The following AKAP9 variants were observed in gnomAD, a reference collection of about 807,000 sequenced individuals.
AKAP9 encodes the protein A-kinase anchoring protein 9, also known as A-kinase anchor protein 9.
A neutral mutation model predicts 488.5 loss-of-function variants in AKAP9; 311 were observed. That is an observed-to-expected ratio of 0.64 (90% CI 0.58 to 0.70). The LOEUF is 0.70. AKAP9 is among the 30% of genes least tolerant of loss of function. The probability of loss-of-function intolerance (pLI) is 0.00; values close to 1 mark genes in which losing one functional copy is unlikely to be tolerated. For missense variants in AKAP9, 4,215 were observed against 4,374.5 expected, an observed-to-expected ratio of 0.96 and a Z score of 1.03; for synonymous variants, 1,462 against 1,483.5, an observed-to-expected ratio of 0.99 and a Z score of 0.33.
chr7:91,984,608 T>C (rs1796835150), intron 3 of AKAP9, among the ~76,000 whole-genome samples: 2 of 152,312 alleles, frequency 1.3e-5, no homozygotes, highest in East Asian at 3.9e-4. Flanking sequence ...GTCTTGGCAA[T>C]GTGGGCTCTT....
At chr7:92,026,234 T>G (rs1023687871) in intron 14 of AKAP9, among the ~76,000 whole-genome samples, 2 of 152,154 alleles carry the variant, frequency 1.3e-5, no homozygotes, top group African/African-American at 4.8e-5. Flanking sequence ...TGAATTAAGT[T>G]TACGCCAGAC....
intron 30 of AKAP9, among the ~76,000 whole-genome samples, chr7:92,078,172 A>G (rs1812933468): frequency 6.6e-6 from 1 of 151,774 alleles, no homozygotes; most frequent in African/African-American, 2.4e-5. Context: ...AATTTTTTGT[A>G]TTTTTAATAG....
chr7:92,012,628 A>C lies in AKAP9; in HGVS notation c.3518A>C (p.Lys1173Thr). 2 of 1,608,934 alleles carry C rather than the reference A, an allele frequency of 1.2e-6. No homozygotes were observed. Among genetic ancestry groups the C allele is most frequent in the South Asian group, 2.2e-5 (2 of 90,740 alleles). ...CACCAGTTAGAACTACAGACTATGAAAACACAAGAAACAGGTAAAATGGTT... is the reference window on the plus strand; with the variant it reads ...CACCAGTTAGAACTACAGACTATGACAACACAAGAAACAGGTAAAATGGTT... ...KIHQLELQTMKTQETGDEGKP... is the reference protein window; with the variant it reads ...KIHQLELQTMTTQETGDEGKP... The change falls in exon 9 of 50, where the codon AAA becomes ACA. Residue 1173 changes from lysine (K) to threonine (T), a missense_variant. Lys to Thr is a moderately conservative substitution (Grantham distance 78). Transcript: ENST00000356239.
chr7:92,019,155 T>TC (rs1396739093), intron 12 of AKAP9, among the ~76,000 whole-genome samples: 1 of 151,960 alleles, frequency 6.6e-6, no homozygotes, highest in Non-Finnish European at 1.5e-5. Flanking sequence ...TTTTTTTTTT[T>TC]CTCCAAGACA....
rs1362351984 is a variant in AKAP9, at chr7:91,982,109, T to A, written c.351+1776T>A. Among the ~76,000 whole-genome samples, 4 of 152,160 alleles carry A rather than the reference T, an allele frequency of 2.6e-5. No homozygotes were observed. The East Asian group carries it at 5.8e-4, about 22-fold the overall frequency. ...AATTTGTATAGCTGTTTTCTCACAT[T>A]GAGATAATAGAGCAAATTTTAATTT... On this transcript the variant is annotated intron_variant, in intron 3 of 49. Coordinates refer to ENST00000356239, the MANE Select transcript of AKAP9 (RefSeq NM_005751.5).
At chr7:92,047,090 C>T (rs963364215) in intron 21 of AKAP9, among the ~76,000 whole-genome samples, 1 of 152,192 alleles carries the variant, frequency 6.6e-6, no homozygotes, top group African/African-American at 2.4e-5. Context: ...TATTTATGTT[C>T]ATTTTCCATG....
At position 92,109,122 on chromosome 7, in the gene AKAP9, C is replaced by T. The variant is rs550599940; in HGVS notation, c.11686+489C>T. 74 of 238,126 alleles carry T rather than the reference C, an allele frequency of 3.1e-4. 2 individuals are homozygous for T. The highest frequency in any genetic ancestry group is 1.6e-3 in the South Asian group (15 of 9,380). 14.8% of individuals were successfully genotyped at this position (238,126 alleles called of 1,614,324 possible). ...TTAAGGAGGAAGCACTTACTTTAAG[C>T]ACTTAATGTAACCATTATCCCTGCT... On this transcript the variant is annotated intron_variant, in intron 49 of 49. Coordinates refer to ENST00000356239, the MANE Select transcript of AKAP9 (RefSeq NM_005751.5).
Position 91,992,057 on chromosome 7 carries a change from G to C in AKAP9, c.352-101G>C, listed in dbSNP as rs1797823848. On this transcript the variant is annotated intron_variant, in intron 3 of 49. Coordinates refer to ENST00000356239, the MANE Select transcript of AKAP9 (RefSeq NM_005751.5). ...TTTCGCCAATGATGCATTTTCCCTA[G>C]GAATAAAAGACATACACGTGAATAC... 8.3e-6 allele frequency: 8 copies of C among 962,708 alleles called. No homozygotes were observed. The South Asian group carries it at 1.1e-4, about 13-fold the overall frequency. The allele number at this position is 962,708 out of a possible 1,614,324, so 59.6% of individuals were successfully genotyped here. A position where few individuals can be genotyped will look rare whatever the true frequency, so the allele number is the denominator to read the frequency against.
chr7:91,963,018 A>G (rs1793917388), intron 1 of AKAP9, among the ~76,000 whole-genome samples: 1 of 152,200 alleles, frequency 6.6e-6, no homozygotes, highest in African/African-American at 2.4e-5. Flanking sequence ...TGGAATTTTA[A>G]GTTTCTGAAA....
intron 41 of AKAP9, 85 bp downstream of exon 41, chr7:92,097,442 C>T: frequency 6.5e-7 from 1 of 1,536,392 alleles, no homozygotes; most frequent in African/African-American, 1.4e-5. Flanking sequence ...GATTAAATTA[C>T]TTAAATAGCT....
intron 1 of AKAP9, among the ~76,000 whole-genome samples, chr7:91,958,272 G>A (rs990014933): frequency 2.0e-5 from 3 of 152,190 alleles, no homozygotes; most frequent in African/African-American, 7.2e-5. Context: ...TTATAAATGA[G>A]TTAACCTCAG....
intron 25 of AKAP9, among the ~76,000 whole-genome samples, chr7:92,065,719 C>T (rs951392018): frequency 6.6e-6 from 1 of 151,990 alleles, no homozygotes; most frequent in African/African-American, 2.4e-5. Context: ...TATGAATAAG[C>T]CCCACTAGTT....
intron 8 of AKAP9, among the ~76,000 whole-genome samples, chr7:92,003,899 T>G (rs12540565): frequency 0.4 from 61,107 of 151,988 alleles, 12,611 homozygotes; most frequent in African/African-American, 0.47. Flanking sequence ...ATCTACAATG[T>G]AATGGTGCTA....
intron 29 of AKAP9, among the ~76,000 whole-genome samples, chr7:92,077,293 G>A (rs142504212): frequency 4.6e-5 from 7 of 151,520 alleles, no homozygotes; most frequent in South Asian, 2.1e-4. Flanking sequence ...GGGTTTCACC[G>A]TGTTAGCCAG....
At chr7:91,969,181 T>C (rs1794764735) in intron 1 of AKAP9, among the ~76,000 whole-genome samples, 1 of 152,166 alleles carries the variant, frequency 6.6e-6, no homozygotes, top group Non-Finnish European at 1.5e-5. Context: ...TGAGCCACCA[T>C]GCCCAGCAGG....
intron 21 of AKAP9, among the ~76,000 whole-genome samples, chr7:92,048,768 G>A (rs1255588582): frequency 6.6e-6 from 1 of 152,170 alleles, no homozygotes; most frequent in Non-Finnish European, 1.5e-5. Flanking sequence ...TTAGCCAGGT[G>A]TGGCGGCACA....
intron 29 of AKAP9, 41 bp from the exon 30 acceptor site, chr7:92,077,655 G>C (rs777570132): frequency 6.5e-7 from 1 of 1,534,988 alleles, no homozygotes; most frequent in South Asian, 1.1e-5. Flanking sequence ...AAAATGATAG[G>C]TAATGATATA....
intron 1 of AKAP9, among the ~76,000 whole-genome samples, chr7:91,971,191 C>G (rs1278760627): frequency 6.6e-6 from 1 of 152,008 alleles, no homozygotes; most frequent in Non-Finnish European, 1.5e-5. Context: ...TTCCTTTTCT[C>G]CTCTGTATTT....
chr7:92,001,203 A>G lies in AKAP9; in HGVS notation c.1286A>G (p.Lys429Arg), dbSNP rs1799132044. The G allele has an allele frequency of 6.2e-7, 1 of 1,613,930 alleles. No homozygotes were observed. Among genetic ancestry groups the G allele is most frequent in the African/African-American group, 1.3e-5 (1 of 74,940 alleles). Reference sequence around the variant, plus strand: ...CGAATGGAACAAGAAACACAAAGAAAGTTAGAACAACTCCGGGCAGAGCTG... The same window carrying G: ...CGAATGGAACAAGAAACACAAAGAAGGTTAGAACAACTCCGGGCAGAGCTG... ...VQRMEQETQRKLEQLRAELDE... is the reference protein window; with the variant it reads ...VQRMEQETQRRLEQLRAELDE... Residue 429 changes from lysine to arginine, a missense_variant, in exon 8 of 50, where the codon AAG (lysine) becomes AGG (arginine). Physicochemically the swap from Lys to Arg is conservative, Grantham distance 26. Transcript: ENST00000356239.
Sources: allele counts gnomAD v4.1 joint callset (sites outside exome capture counted in the v4.1 genomes callset), GRCh38; gene constraint gnomAD v4.1.1; transcripts MANE v1.5; gene names NCBI Gene and HGNC (gene_info 2026-07-23, HGNC 2026-07-21).